Variants in KIF9 observed in about 807,000 individuals in gnomAD.
The protein encoded by KIF9 is kinesin-like protein KIF9.
A neutral mutation model predicts 94.8 loss-of-function variants in KIF9; 68 were observed. The ratio of observed to expected loss-of-function variants is 0.72; its 90% confidence interval spans 0.59 to 0.88. The LOEUF is 0.88. Ranked by LOEUF, KIF9 falls within the 40% of genes least tolerant of loss-of-function variation. KIF9 has a pLI of 0.00. For synonymous variants in KIF9, 343 were observed against 362.1 expected, an observed-to-expected ratio of 0.95 and a Z score of 0.60; for missense variants, 882 against 982.5, an observed-to-expected ratio of 0.90 and a Z score of 1.37.
Position 47,236,169 on chromosome 3 carries a change from C to G in KIF9, c.2102-20G>C. The G allele has an allele frequency of 6.3e-7, 1 of 1,580,974 alleles. No homozygotes were observed. Among genetic ancestry groups the G allele is most frequent in the Non-Finnish European group, 8.7e-7 (1 of 1,149,948 alleles). On this transcript the variant is annotated intron_variant, in intron 18 of 20. Coordinates refer to ENST00000684063, the MANE Select transcript of KIF9 (RefSeq NM_182902.4). The stretch of plus-strand genomic sequence containing the variant: ...CAAATTCTACAAGGAGGTGAGGAGA[C>G]AGAACTTGAGGAAGCCGGTAAGGGC...
chr3:47,228,564 G>T lies in KIF9; in HGVS notation c.*88C>A, dbSNP rs1698320055. 9.4e-7 allele frequency: 1 copy of T among 1,065,434 alleles called. No homozygotes were observed. The highest frequency in any genetic ancestry group is 1.5e-6 in the Non-Finnish European group (1 of 680,968). The allele number at this position is 1,065,434 out of a possible 1,614,324, so 66.0% of individuals were successfully genotyped here. ...GGGTCCCAGCATTGGAGTAGAGGGG[G>T]CTGCAGCTCTGGGCAGGTGGTTGAG... On this transcript the variant is annotated 3_prime_UTR_variant, in exon 21 of 21. Transcript: ENST00000684063.
intron 17 of KIF9, chr3:47,240,054 G>T: frequency 1.5e-6 from 1 of 678,296 alleles, no homozygotes; most frequent in Non-Finnish European, 2.2e-6. Context: ...CAGAACCACT[G>T]GCTGAGGGGC....
At chr3:47,276,385 G>A (rs1474595240) in intron 2 of KIF9, among the ~76,000 whole-genome samples, 4 of 151,698 alleles carry the variant, frequency 2.6e-5, no homozygotes, top group African/African-American at 4.8e-5. Flanking sequence ...GCAAAACCCC[G>A]TCTCTACTAA....
intron 9 of KIF9, among the ~76,000 whole-genome samples, chr3:47,259,509 A>G (rs1048799833): frequency 6.6e-6 from 1 of 152,176 alleles, no homozygotes; most frequent in Non-Finnish European, 1.5e-5. Context: ...TCTGTGAGAG[A>G]AGGGGCAGAT....
intron 1 of KIF9, among the ~76,000 whole-genome samples, chr3:47,279,532 C>G (rs751021173): frequency 2.0e-5 from 3 of 151,560 alleles, no homozygotes; most frequent in Non-Finnish European, 4.4e-5. Context: ...ACCATAAAAA[C>G]CCCTCATGTA....
intron 12 of KIF9, among the ~76,000 whole-genome samples, chr3:47,247,135 T>A (rs1304299722): frequency 1.3e-5 from 2 of 152,282 alleles, no homozygotes; most frequent in South Asian, 4.1e-4. Flanking sequence ...TTTGCCAAGG[T>A]CACTCAGCAA....
At chr3:47,241,856 A>G (rs191748205) in intron 16 of KIF9, among the ~76,000 whole-genome samples, 2,311 of 112,878 alleles carry the variant, frequency 0.02, 43 homozygotes, top group Middle Eastern at 0.04. Context: ...ATATATATAT[A>G]TATATACACA....
intron 5 of KIF9, among the ~76,000 whole-genome samples, chr3:47,270,174 GA>G (rs770836918): frequency 3.9e-5 from 6 of 151,902 alleles, no homozygotes; most frequent in Non-Finnish European, 7.4e-5. Flanking sequence ...AAAGTGCTGG[GA>G]TTACAGGCAT....
chr3:47,264,011 T>C (rs575331248), intron 9 of KIF9: 1 of 537,806 alleles, frequency 1.9e-6, no homozygotes, highest in South Asian at 1.6e-5. Flanking sequence ...GGTCCTTGTC[T>C]TCACAAAGCT....
At chr3:47,278,530 A>T (rs561904760) in intron 1 of KIF9, among the ~76,000 whole-genome samples, 4 of 150,580 alleles carry the variant, frequency 2.7e-5, no homozygotes, top group African/African-American at 4.9e-5. Context: ...GCTTGGCTTT[A>T]AAAAAAAACT....
chr3:47,247,537 G>T, intron 11 of KIF9, 60 bp from the exon 12 acceptor site: 1 of 1,324,866 alleles, frequency 7.5e-7, no homozygotes, highest in South Asian at 1.2e-5. Context: ...ACAGGGGAGT[G>T]GCAGGGGCCA....
Position 47,243,068 on chromosome 3 carries a change from C to T in KIF9, c.1692G>A (p.Glu564=). 1 of 1,606,868 alleles carries T rather than the reference C, an allele frequency of 6.2e-7. No homozygotes were observed. ...IEPLPSDSPK[E]ELRPIRPDTP... ...CTGATTACCTAATTGGGCGTAATTC[C>T]TCCTTCGGGGAGTCTGAGGGAAGGG... Residue 564 remains glutamate (E), a synonymous_variant, in exon 16 of 21, where the codon GAG becomes GAA. Coordinates refer to ENST00000684063, the MANE Select transcript of KIF9 (RefSeq NM_182902.4).
intron 20 of KIF9, among the ~76,000 whole-genome samples, chr3:47,232,236 A>G (rs1698643314): frequency 6.6e-6 from 1 of 152,184 alleles, no homozygotes; most frequent in Non-Finnish European, 1.5e-5. Flanking sequence ...CCTTGATGTT[A>G]TACTTGCCAG....
intron 1 of KIF9, chr3:47,281,313 C>A: frequency 2.5e-6 from 1 of 393,526 alleles, no homozygotes; most frequent in Non-Finnish European, 4.6e-6. Context: ...ACATCCAGCA[C>A]CTCACCACAC....
At chr3:47,275,613 G>A (rs1249617955) in intron 2 of KIF9, 123 bp from the exon 3 acceptor site, 1 of 699,464 alleles carries the variant, frequency 1.4e-6, no homozygotes, top group Admixed American at 2.9e-5. Context: ...GATGAATGGG[G>A]ACTCCCACGT....
At position 47,228,465 on chromosome 3, in the gene KIF9, C is replaced by A; in HGVS notation, c.*187G>T. On this transcript the variant is annotated 3_prime_UTR_variant, in exon 21 of 21. Transcript: ENST00000684063. ...AGACAGTGAATTAAAACCCAAAGTG[C>A]TCTGTGGAGATGAGCAAGGTTGTCC... 1.5e-6 allele frequency: 1 copy of A among 657,290 alleles called. No homozygotes were observed. The highest frequency in any genetic ancestry group is 2.8e-6 in the Non-Finnish European group (1 of 361,942). The allele number at this position is 657,290 out of a possible 1,614,324, so 40.7% of individuals were successfully genotyped here.
chr3:47,264,242 T>C (rs2107426672), intron 9 of KIF9, 44 bp downstream of exon 9: 1 of 1,485,448 alleles, frequency 6.7e-7, no homozygotes, highest in Non-Finnish European at 9.4e-7. Context: ...CTGGCACCCA[T>C]GAAGGGGGAT....
In KIF9 at chr3:47,271,478, A is replaced by ACAGCGGT; in HGVS notation, c.367-24_367-18dup. On this transcript the variant is annotated splice_polypyrimidine_tract_variant and intron_variant, in intron 4 of 20. Transcript: ENST00000684063. Reference sequence around the variant, plus strand: ...CCTAAAAACCTAGATGACAGATTGTACAGCGGTCACCAAGAGCAGAACCCC... The same window carrying ACAGCGGT: ...CCTAAAAACCTAGATGACAGATTGTACAGCGGTCAGCGGTCACCAAGAGCAGAACCCC... 1 of 1,605,260 alleles carries ACAGCGGT rather than the reference A, an allele frequency of 6.2e-7. No homozygotes were observed. The highest frequency in any genetic ancestry group is 8.5e-7 in the Non-Finnish European group (1 of 1,172,090).
intron 20 of KIF9, among the ~76,000 whole-genome samples, chr3:47,232,350 T>A (rs1261897815): frequency 6.6e-6 from 1 of 152,026 alleles, no homozygotes; most frequent in Admixed American, 6.6e-5. Context: ...AGTGGTGCGA[T>A]CTCAGCTCAC....
Sources: gnomAD v4.1 joint callset for allele counts (sites outside exome capture counted in the v4.1 genomes callset) on GRCh38, gnomAD v4.1.1 for gene constraint, MANE v1.5 for transcripts, NCBI Gene and HGNC (gene_info 2026-07-23, HGNC 2026-07-21) for gene names.